Variants in LPP observed in about 807,000 individuals in gnomAD.
LPP encodes LIM domain containing preferred translocation partner in lipoma, also known as lipoma-preferred partner.
Under a neutral mutation model 60.4 loss-of-function variants are expected in LPP, and 38 were observed. That is an observed-to-expected ratio of 0.63 (90% CI 0.49 to 0.83). The LOEUF is 0.83. Among genes scored for constraint, LPP ranks in the 40% least tolerant of loss-of-function variants. LPP has a pLI of 0.00. For synonymous variants in LPP, 328 were observed against 290.8 expected (o/e 1.13, Z -1.30); for missense variants, 902 against 783.6 (o/e 1.15, Z -1.80).
chr3:188,162,996 C>T (rs1224187169), intron 1 of LPP, among the ~76,000 whole-genome samples: 1 of 152,122 alleles, frequency 6.6e-6, no homozygotes, highest in Non-Finnish European at 1.5e-5. Flanking sequence ...TATAGTGTGC[C>T]CGCAAAAGTG....
At chr3:188,642,726 C>A (rs191895195) in intron 7 of LPP, among the ~76,000 whole-genome samples, 9 of 152,058 alleles carry the variant, frequency 5.9e-5, no homozygotes, top group Non-Finnish European at 1.3e-4. Context: ...CACCTGAGGT[C>A]GGGAGTTTGA....
rs569432963 is a variant in LPP at position 188,853,420 on chromosome 3, C to CACATATCA, written c.1411-12779_1411-12772dup. Among the ~76,000 whole-genome samples the CACATATCA allele has an allele frequency of 2.9e-3, 438 of 152,286 alleles. 2 individuals carry two copies. Among genetic ancestry groups the CACATATCA allele is most frequent in the African/African-American group, 7.7e-3 (321 of 41,544 alleles). On this transcript the variant is annotated intron_variant, in intron 9 of 11. Transcript: ENST00000617246. The stretch of plus-strand genomic sequence containing the variant: ...AGTGATTAACAGAAGAGGTAACATT[C>CACATATCA]ACATATCATGGGCCATATAATTTGA...
intron 1 of LPP, among the ~76,000 whole-genome samples, chr3:188,170,635 G>A (rs529430062): frequency 1.0e-4 from 15 of 150,688 alleles, no homozygotes; most frequent in African/African-American, 3.6e-4. Flanking sequence ...CCAGCCGAGG[G>A]AGTCTCAGCT....
chr3:188,431,903 C>T (rs573200161), intron 4 of LPP, among the ~76,000 whole-genome samples: 6 of 152,224 alleles, frequency 3.9e-5, no homozygotes, highest in Admixed American at 2.0e-4. Context: ...TCATAGTCTC[C>T]GCAGTCTGTA....
chr3:188,267,965 G>GA (rs1386606028), intron 2 of LPP, among the ~76,000 whole-genome samples: 4 of 150,914 alleles, frequency 2.7e-5, no homozygotes, highest in Non-Finnish European at 5.9e-5. Context: ...TATAGCCTCT[G>GA]CCTTAGGAAC....
intron 2 of LPP, among the ~76,000 whole-genome samples, chr3:188,336,050 G>T (rs976141020): frequency 3.3e-5 from 5 of 152,118 alleles, no homozygotes; most frequent in Middle Eastern, 3.2e-3. Flanking sequence ...GAAATTTGTG[G>T]CAGTGGTGGT....
intron 2 of LPP, among the ~76,000 whole-genome samples, chr3:188,288,324 T>G (rs879114863): frequency 6.6e-6 from 1 of 152,186 alleles, no homozygotes; most frequent in African/African-American, 2.4e-5. Context: ...TAACGTCCCT[T>G]TATGCTTGTA....
At chr3:188,248,468 T>TTATATGTATATATATATATATATATA (rs1727814146) in intron 2 of LPP, among the ~76,000 whole-genome samples, 1 of 84,142 alleles carries the variant, frequency 1.2e-5, no homozygotes, top group African/African-American at 5.3e-5. Flanking sequence ...CAGTATAACT[T>TTATATGTATATATATATATATATATA]TATATATATA....
At chr3:188,770,801 G>A (rs868363529) in intron 9 of LPP, among the ~76,000 whole-genome samples, 5 of 152,114 alleles carry the variant, frequency 3.3e-5, no homozygotes, top group Middle Eastern at 3.2e-3. Context: ...AGTGAGACCT[G>A]GTTCACACTC....
In LPP at chr3:188,889,278, T is replaced by C; in HGVS notation, c.*14799T>C. The C allele has an allele frequency of 8.7e-6, 2 of 231,100 alleles. No individual in the cohort carries two copies. The highest frequency in any genetic ancestry group is 8.6e-6 in the Non-Finnish European group (1 of 116,642). 14.3% of individuals were successfully genotyped at this position (231,100 alleles called of 1,614,324 possible). On this transcript the variant is annotated 3_prime_UTR_variant, in exon 12 of 12. Transcript: ENST00000617246. ...CAATACTGTTGATGGAGCAGCAGCA[T>C]AGCCTAGAGTGATGCATTCTTACCC...
intron 2 of LPP, among the ~76,000 whole-genome samples, chr3:188,248,977 C>T (rs1265057437): frequency 6.6e-6 from 1 of 152,170 alleles, no homozygotes; most frequent in Non-Finnish European, 1.5e-5. Flanking sequence ...AACTGACCTA[C>T]AAAACTTGTA....
intron 9 of LPP, among the ~76,000 whole-genome samples, chr3:188,840,664 A>G (rs989592749): frequency 1.3e-5 from 2 of 151,994 alleles, no homozygotes; most frequent in Non-Finnish European, 2.9e-5. Context: ...TCATCTGACT[A>G]ATTTCTTTTT....
intron 2 of LPP, among the ~76,000 whole-genome samples, chr3:188,227,610 A>C (rs182010802): frequency 1.0e-3 from 156 of 152,174 alleles, no homozygotes; most frequent in South Asian, 2.7e-3. Flanking sequence ...GCAAGTGCAG[A>C]GGTCATGTGA....
intron 2 of LPP, among the ~76,000 whole-genome samples, chr3:188,299,279 G>T (rs1232303784): frequency 6.6e-6 from 1 of 152,106 alleles, no homozygotes; most frequent in Non-Finnish European, 1.5e-5. Flanking sequence ...CAACTTACTG[G>T]GGAGCACGTC....
chr3:188,394,019 G>A (rs1578571220), intron 3 of LPP, among the ~76,000 whole-genome samples: 1 of 152,114 alleles, frequency 6.6e-6, no homozygotes, highest in Admixed American at 6.5e-5. Flanking sequence ...TTATACTTGG[G>A]GTTTTGTTTA....
At chr3:188,257,901 A>G (rs1732198609) in intron 2 of LPP, among the ~76,000 whole-genome samples, 1 of 152,264 alleles carries the variant, frequency 6.6e-6, no homozygotes, top group Non-Finnish European at 1.5e-5. Flanking sequence ...CTAACTGCAA[A>G]GCCTATATCC....
chr3:188,460,147 T>C (rs1798671164), intron 4 of LPP, among the ~76,000 whole-genome samples: 1 of 152,188 alleles, frequency 6.6e-6, no homozygotes, highest in South Asian at 2.1e-4. Flanking sequence ...TTTCTATTTA[T>C]CAGTACTAGC....
At chr3:188,553,949 A>G (rs1828835794) in intron 6 of LPP, 1 of 152,248 alleles carries the variant, frequency 6.6e-6, no homozygotes. Flanking sequence ...GTTAATGCAG[A>G]ATAGCAAACT....
chr3:188,764,186 T>G (rs1183954621), intron 9 of LPP, among the ~76,000 whole-genome samples: 1 of 152,166 alleles, frequency 6.6e-6, no homozygotes, highest in Admixed American at 6.5e-5. Context: ...AAAACTTTGT[T>G]AGGAAGTGAT....
Sources: gnomAD v4.1 joint callset for allele counts (sites outside exome capture counted in the v4.1 genomes callset) on GRCh38, gnomAD v4.1.1 for gene constraint, MANE v1.5 for transcripts, NCBI Gene and HGNC (gene_info 2026-07-23, HGNC 2026-07-21) for gene names.